Variants in PDZRN3 observed in about 807,000 individuals in gnomAD.
The protein encoded by PDZRN3 is E3 ubiquitin-protein ligase PDZRN3.
In PDZRN3, 38 loss-of-function variants were observed where a neutral mutation model predicts 85.7. The observed-to-expected ratio is 0.44, with a 90% CI of 0.34 to 0.58. The LOEUF (loss-of-function observed/expected upper bound fraction) is 0.58. PDZRN3 is among the 20% of genes least tolerant of loss of function. PDZRN3 has a pLI of 0.01. For missense variants in PDZRN3, 1,629 were observed against 1,506.4 expected (o/e 1.08, Z -1.35); for synonymous variants, 759 against 638.0 (o/e 1.19, Z -2.86).
chr3:73,537,868 C>T (rs887824923), intron 3 of PDZRN3, among the ~76,000 whole-genome samples: 35 of 151,794 alleles, frequency 2.3e-4, no homozygotes, highest in African/African-American at 1.5e-4. Flanking sequence ...TCAAATGATC[C>T]GCCCGCCTCG....
chr3:73,588,700 C>T lies in PDZRN3; in HGVS notation c.918+13654G>A, dbSNP rs1421167783. 4.6e-5 allele frequency among the ~76,000 whole-genome samples: 7 copies of T among 152,328 alleles called. 1 individual carries two copies. In the South Asian group the frequency reaches 1.0e-3, roughly 23 times the overall value. ...TATTTTTACTCTTATCTTCTATTTACAACACATGACAATGACTTTCCATTT... is the reference window on the plus strand; with the variant it reads ...TATTTTTACTCTTATCTTCTATTTATAACACATGACAATGACTTTCCATTT... On this transcript the variant is annotated intron_variant, in intron 3 of 9. Coordinates refer to ENST00000263666, the MANE Select transcript of PDZRN3 (RefSeq NM_015009.3).
At chr3:73,535,584 CAG>C (rs922904384) in intron 3 of PDZRN3, among the ~76,000 whole-genome samples, 1 of 152,208 alleles carries the variant, frequency 6.6e-6, no homozygotes, top group African/African-American at 2.4e-5. Context: ...CACATATCCA[CAG>C]AGCTGCCTTT....
At chr3:73,393,785 GCT>G (rs1396310571) in intron 5 of PDZRN3, among the ~76,000 whole-genome samples, 1 of 152,124 alleles carries the variant, frequency 6.6e-6, no homozygotes, top group Non-Finnish European at 1.5e-5. Flanking sequence ...TGATAGTGAC[GCT>G]CTGTTATGTA....
At chr3:73,397,038 CTTTTT>C (rs199940941) in intron 5 of PDZRN3, among the ~76,000 whole-genome samples, 1 of 143,884 alleles carries the variant, frequency 7.0e-6, no homozygotes, top group Non-Finnish European at 1.5e-5. Flanking sequence ...CTTTTTCTTT[CTTTTT>C]TTTTTTTTGA....
In PDZRN3 at chr3:73,384,071, T is replaced by A; in HGVS notation, c.2495A>T (p.Asn832Ile). The change falls in exon 10 of 10, where the codon AAC (asparagine) becomes ATC (isoleucine). Residue 832 changes from asparagine (N) to isoleucine (I), a missense_variant. Coordinates refer to ENST00000263666, the MANE Select transcript of PDZRN3 (RefSeq NM_015009.3). ...CCGCTCTTTGCTTTCCAGGGGCTGGTTGGGGTCCAGCTCCTTCAGGGACGG... is the reference window on the plus strand; with the variant it reads ...CCGCTCTTTGCTTTCCAGGGGCTGGATGGGGTCCAGCTCCTTCAGGGACGG... ...YSPSLKELDP[N>I]QPLESKERRA... The A allele has an allele frequency of 1.2e-6, 2 of 1,611,098 alleles. No homozygotes were observed. The highest frequency in any genetic ancestry group is 1.1e-5 in the South Asian group (1 of 90,708).
At chr3:73,482,527 C>T (rs1203101342) in intron 3 of PDZRN3, among the ~76,000 whole-genome samples, 10 of 152,168 alleles carry the variant, frequency 6.6e-5, no homozygotes, top group African/African-American at 2.4e-4. Context: ...TCATCTGAGG[C>T]TTTTGTTGTT....
At chr3:73,416,875 G>GTTTTTTTTT (rs1491373717) in intron 3 of PDZRN3, among the ~76,000 whole-genome samples, 8 of 40,740 alleles carry the variant, frequency 2.0e-4, no homozygotes, top group African/African-American at 4.3e-4. Flanking sequence ...GTTTTTTTTT[G>GTTTTTTTTT]GTTTTTTTTT....
At chr3:73,604,296 GCA>G (rs1275302946) in intron 2 of PDZRN3, among the ~76,000 whole-genome samples, 1 of 152,158 alleles carries the variant, frequency 6.6e-6, no homozygotes, top group African/African-American at 2.4e-5. Flanking sequence ...CCTTTACTGA[GCA>G]CAAACTAGGT....
rs868519150 is a variant in PDZRN3, at chr3:73,449,877, T to C, written c.919-45482A>G. Reference sequence around the variant, plus strand: ...GCCTGTTCTAACTGCATGCTTTACGTAGATGAGGCAATTGACTTAAAAAAC... The same window carrying C: ...GCCTGTTCTAACTGCATGCTTTACGCAGATGAGGCAATTGACTTAAAAAAC... On this transcript the variant is annotated intron_variant, in intron 3 of 9. Coordinates refer to ENST00000263666, the MANE Select transcript of PDZRN3 (RefSeq NM_015009.3). 2.3e-4 allele frequency among the ~76,000 whole-genome samples: 35 copies of C among 152,266 alleles called. No individual in the cohort carries two copies. The Middle Eastern group carries it at 0.01, about 45-fold the overall frequency.
intron 3 of PDZRN3, among the ~76,000 whole-genome samples, chr3:73,562,167 C>G (rs1701832148): frequency 6.6e-6 from 1 of 152,154 alleles, no homozygotes; most frequent in Admixed American, 6.5e-5. Flanking sequence ...TCTCAGTATT[C>G]TCTCCCTACC....
chr3:73,530,728 T>C (rs1704633537), intron 3 of PDZRN3, among the ~76,000 whole-genome samples: 1 of 152,194 alleles, frequency 6.6e-6, no homozygotes, highest in Non-Finnish European at 1.5e-5. Context: ...AATCTTTGGT[T>C]TCTATTCATT....
In PDZRN3 at chr3:73,532,838, T is replaced by C. The variant is rs112276938; in HGVS notation, c.918+69516A>G. On this transcript the variant is annotated intron_variant, in intron 3 of 9. Transcript: ENST00000263666. ...TGTTTAGAGGGTCAATGGTCTATTG[T>C]GGTAATGTAAGAAGCGAGAAATCTG... 5.1e-3 allele frequency among the ~76,000 whole-genome samples: 775 copies of C among 152,324 alleles called. 4 individuals carry two copies. The highest frequency in any genetic ancestry group is 0.018 in the African/African-American group (758 of 41,566).
chr3:73,474,350 C>A, intron 3 of PDZRN3: 1 of 548,278 alleles, frequency 1.8e-6, no homozygotes, highest in South Asian at 2.1e-5. Context: ...TTTACCTATG[C>A]AGTATTTCTA....
intron 5 of PDZRN3, among the ~76,000 whole-genome samples, chr3:73,398,551 T>C (rs1201406985): frequency 1.3e-5 from 2 of 152,206 alleles, no homozygotes; most frequent in Non-Finnish European, 2.9e-5. Context: ...CTGCTGGTCC[T>C]CCTACCACAC....
intron 3 of PDZRN3, among the ~76,000 whole-genome samples, chr3:73,501,472 C>T (rs532002719): frequency 6.6e-6 from 1 of 152,336 alleles, no homozygotes; most frequent in South Asian, 2.1e-4. Flanking sequence ...TCATCACTCA[C>T]CTTGACGACT....
At chr3:73,585,262 T>C (rs887847757) in intron 3 of PDZRN3, among the ~76,000 whole-genome samples, 1 of 152,216 alleles carries the variant, frequency 6.6e-6, no homozygotes, top group African/African-American at 2.4e-5. Context: ...GAAGTTTCTA[T>C]TTGGTCTCTT....
intron 3 of PDZRN3, among the ~76,000 whole-genome samples, chr3:73,567,729 G>C (rs1442425517): frequency 1.3e-5 from 2 of 152,098 alleles, no homozygotes; most frequent in Admixed American, 1.3e-4. Flanking sequence ...CCTACTGTTG[G>C]AACATAGGAA....
At chr3:73,386,226 C>CTTTTTTGTTTTTTTTTTTTT (rs1701382076) in intron 8 of PDZRN3, among the ~76,000 whole-genome samples, 1 of 90,730 alleles carries the variant, frequency 1.1e-5, no homozygotes, top group African/African-American at 4.1e-5. Context: ...CAAGATATCA[C>CTTTTTTGTTTTTTTTTTTTT]TTTTTTTTTT....
intron 1 of PDZRN3, among the ~76,000 whole-genome samples, chr3:73,609,815 ACT>A (rs1223298248): frequency 6.6e-6 from 1 of 152,070 alleles, no homozygotes; most frequent in African/African-American, 2.4e-5. Context: ...CATGAATGCA[ACT>A]CTCTGACTCA....
Sources: allele counts gnomAD v4.1 joint callset (sites outside exome capture counted in the v4.1 genomes callset), GRCh38; gene constraint gnomAD v4.1.1; transcripts MANE v1.5; gene names NCBI Gene and HGNC (gene_info 2026-07-23, HGNC 2026-07-21).